The following PCDHA11 variants were observed in gnomAD, a reference collection of about 807,000 sequenced individuals.
The protein encoded by PCDHA11 is protocadherin alpha 11, also known as protocadherin alpha-11.
Under a neutral mutation model 70.3 loss-of-function variants are expected in PCDHA11, and 61 were observed. The observed-to-expected ratio is 0.87, with a 90% CI of 0.71 to 1.07. The LOEUF (loss-of-function observed/expected upper bound fraction) is 1.07. PCDHA11 is among the 50% of genes least tolerant of loss of function. PCDHA11 has a pLI of 0.00. For missense variants in PCDHA11, 1,324 were observed against 1,237.5 expected (o/e 1.07, Z -1.05); for synonymous variants, 633 against 555.1 (o/e 1.14, Z -1.97).
chr5:140,929,440 CCTT>C, intron 1 of PCDHA11: 2 of 1,448,524 alleles, frequency 1.4e-6, no homozygotes, highest in Non-Finnish European at 1.8e-6. Flanking sequence ...ACTAAACACT[CCTT>C]CTTAGCACTT....
intron 1 of PCDHA11, among the ~76,000 whole-genome samples, chr5:140,904,937 A>C (rs2071485651): frequency 6.6e-6 from 1 of 152,190 alleles, no homozygotes; most frequent in Non-Finnish European, 1.5e-5. Flanking sequence ...GGTTCTGGAT[A>C]TTAGTCCTTT....
At position 140,871,134 on chromosome 5, in the gene PCDHA11, C is replaced by G; in HGVS notation, c.2031C>G (p.Ala677=). The G allele has an allele frequency of 5.6e-6, 9 of 1,613,414 alleles. No homozygotes were observed. The highest frequency in any genetic ancestry group is 6.8e-6 in the Non-Finnish European group (8 of 1,179,908). ...SLVESGQAPK[A]SSRTLAGAAS... The stretch of plus-strand genomic sequence containing the variant: ...TGGAGAGCGGACAGGCGCCAAAGGC[C>G]TCTTCCCGGACTTTGGCGGGCGCCG... Residue 677 remains alanine (A), a synonymous_variant, in exon 1 of 4, where the codon GCC becomes GCG. Coordinates refer to ENST00000398640, the MANE Select transcript of PCDHA11 (RefSeq NM_018902.5).
intron 1 of PCDHA11, among the ~76,000 whole-genome samples, chr5:140,963,204 AAACCTCGTGTT>A (rs2095746581): frequency 6.6e-6 from 1 of 152,104 alleles, no homozygotes; most frequent in South Asian, 2.1e-4. Context: ...ATGAAAAAAA[AAACCTCGTGTT>A]TAGAGTAGAC....
intron 3 of PCDHA11, 112 bp downstream of exon 3, chr5:140,982,675 T>A (rs782533593): frequency 1.3e-4 from 192 of 1,441,664 alleles, no homozygotes; most frequent in Middle Eastern, 9.1e-4. Flanking sequence ...ATTTTTGTTA[T>A]TCCCTTTTTT....
chr5:141,004,708 A>G (rs955852492), intron 3 of PCDHA11, among the ~76,000 whole-genome samples: 2 of 152,340 alleles, frequency 1.3e-5, no homozygotes, highest in South Asian at 4.1e-4. Flanking sequence ...TAGGTGCCGA[A>G]TCAGAGGTTT....
chr5:140,873,431 A>G (rs1395359965), intron 1 of PCDHA11, among the ~76,000 whole-genome samples: 1 of 152,228 alleles, frequency 6.6e-6, no homozygotes, highest in African/African-American at 2.4e-5. Context: ...ATTATTTTAT[A>G]TCACATAAAT....
intron 1 of PCDHA11, among the ~76,000 whole-genome samples, chr5:140,956,131 C>A (rs2095258276): frequency 6.6e-6 from 1 of 152,096 alleles, no homozygotes; most frequent in African/African-American, 2.4e-5. Flanking sequence ...TATTTGAATA[C>A]CCTTTATTTC....
chr5:140,928,672 GC>G (rs1466783332), intron 1 of PCDHA11: 1 of 1,614,058 alleles, frequency 6.2e-7, no homozygotes, highest in East Asian at 2.2e-5. Flanking sequence ...TGGTTCTAAT[GC>G]CTGGCTTTCC....
intron 1 of PCDHA11, among the ~76,000 whole-genome samples, chr5:140,933,588 G>A (rs2089253151): frequency 6.6e-6 from 1 of 151,988 alleles, no homozygotes; most frequent in Non-Finnish European, 1.5e-5. Flanking sequence ...TGGGTTTTTA[G>A]GTTGATTTGT....
intron 1 of PCDHA11, among the ~76,000 whole-genome samples, chr5:140,906,376 C>T (rs1372120775): frequency 1.3e-5 from 2 of 152,166 alleles, no homozygotes; most frequent in Admixed American, 6.5e-5. Context: ...AATGCTATTA[C>T]ATAAAGTTAA....
intron 1 of PCDHA11, chr5:140,883,386 G>C (rs1554177993): frequency 6.2e-7 from 1 of 1,614,138 alleles, no homozygotes; most frequent in South Asian, 1.1e-5. Context: ...GCCCTAATCA[G>C]TGTGTCCGAT....
rs77098340 is a variant in PCDHA11 at position 140,895,412 on chromosome 5, C to T, written c.2391+23918C>T. 8.0e-3 allele frequency among the ~76,000 whole-genome samples: 1,218 copies of T among 152,216 alleles called. 6 individuals carry two copies. Among genetic ancestry groups the T allele is most frequent in the African/African-American group, 0.019 (785 of 41,528 alleles). On this transcript the variant is annotated intron_variant, in intron 1 of 3. Coordinates refer to ENST00000398640, the MANE Select transcript of PCDHA11 (RefSeq NM_018902.5). The stretch of plus-strand genomic sequence containing the variant: ...CTCAACACCATCAAAAGCCCCATAA[C>T]CTTCTTTTGCTTCCTCCTGAGACTC...
In PCDHA11 at chr5:141,011,945, A is replaced by G. The variant is rs1588262929; in HGVS notation, c.*2008A>G. On this transcript the variant is annotated 3_prime_UTR_variant, in exon 4 of 4. Transcript: ENST00000398640. ...AGGTAGGAGTCTGTTATTTAAAAAAAGCATTAAATTTAAAAAAAAACTGTC... is the reference window on the plus strand; with the variant it reads ...AGGTAGGAGTCTGTTATTTAAAAAAGGCATTAAATTTAAAAAAAAACTGTC... 6.5e-6 allele frequency: 1 copy of G among 153,752 alleles called. No individual in the cohort carries two copies. The highest frequency in any genetic ancestry group is 1.5e-5 in the Non-Finnish European group (1 of 68,044). The allele number at this position is 153,752 out of a possible 1,614,324, so 9.5% of individuals were successfully genotyped here. A position where few individuals can be genotyped will look rare whatever the true frequency, so the allele number is the denominator to read the frequency against.
At chr5:140,971,958 C>G (rs2096508715) in intron 1 of PCDHA11, among the ~76,000 whole-genome samples, 1 of 152,054 alleles carries the variant, frequency 6.6e-6, no homozygotes, top group Non-Finnish European at 1.5e-5. Context: ...ACTCCAAAAA[C>G]TTTTTTTCAA....
chr5:140,931,585 A>G (rs1170746678), intron 1 of PCDHA11, among the ~76,000 whole-genome samples: 2 of 152,056 alleles, frequency 1.3e-5, no homozygotes, highest in Non-Finnish European at 2.9e-5. Context: ...ATTCAGTTGA[A>G]CAGTCTTTTT....
chr5:140,961,247 C>T (rs527974851), intron 1 of PCDHA11, among the ~76,000 whole-genome samples: 6 of 152,070 alleles, frequency 3.9e-5, no homozygotes, highest in East Asian at 1.9e-4. Flanking sequence ...GGAATTTATC[C>T]GAAGCTCCAG....
At chr5:140,928,276 G>T in intron 1 of PCDHA11, 1 of 1,614,172 alleles carries the variant, frequency 6.2e-7, no homozygotes, top group Non-Finnish European at 8.5e-7. Context: ...TGGCCCTGGG[G>T]CCTCTCTAGG....
intron 1 of PCDHA11, chr5:140,968,073 A>G: frequency 6.2e-7 from 1 of 1,614,142 alleles, no homozygotes; most frequent in African/African-American, 1.3e-5. Flanking sequence ...GCTGTCTACA[A>G]CATCACGGTG....
Position 140,961,453 on chromosome 5 carries a change from C to A in PCDHA11, c.2392-17496C>A, listed in dbSNP as rs138800149. On this transcript the variant is annotated intron_variant, in intron 1 of 3. Transcript: ENST00000398640. ...AAAATCACCTAACTACACTGTCTTG[C>A]AGCTGCCTTTCTTTTTTTGTCTTGT... Among the ~76,000 whole-genome samples the A allele has an allele frequency of 2.6e-3, 401 of 152,318 alleles. 1 individual carries two copies. The highest frequency in any genetic ancestry group is 9.2e-3 in the African/African-American group (384 of 41,574).
Sources: allele counts gnomAD v4.1 joint callset (sites outside exome capture counted in the v4.1 genomes callset), GRCh38; gene constraint gnomAD v4.1.1; transcripts MANE v1.5; gene names NCBI Gene and HGNC (gene_info 2026-07-23, HGNC 2026-07-21).